RAB12: variants seen among roughly 807,000 people sequenced by gnomAD.
RAB12 encodes ras-related protein Rab-12.
In RAB12, 11 loss-of-function variants were observed where a neutral mutation model predicts 28.4. The ratio of observed to expected loss-of-function variants is 0.39; its 90% CI spans 0.24 to 0.64. The LOEUF (loss-of-function observed/expected upper bound fraction) is 0.64. Among genes scored for constraint, RAB12 ranks in the 30% least tolerant of loss-of-function variants. RAB12 has a pLI of 0.50. For synonymous variants in RAB12, 138 were observed against 145.3 expected, an observed-to-expected ratio of 0.95 and a Z score of 0.36; for missense variants, 276 against 351.1, an observed-to-expected ratio of 0.79 and a Z score of 1.71.
chr18:8,621,029 C>CA (rs763425796), intron 1 of RAB12, among the ~76,000 whole-genome samples: 1 of 152,168 alleles, frequency 6.6e-6, no homozygotes, highest in Non-Finnish European at 1.5e-5. Flanking sequence ...GGACTGTCCC[C>CA]ATCAACAGTG....
intron 4 of RAB12, 159 bp downstream of exon 4, chr18:8,635,781 G>A (rs1357547313): frequency 9.5e-6 from 5 of 524,500 alleles, no homozygotes; most frequent in African/African-American, 3.9e-5. Flanking sequence ...TTTTGACTTC[G>A]TGCTCCTTTA....
chr18:8,633,179 T>A lies in RAB12; in HGVS notation c.576-10T>A. On this transcript the variant is annotated splice_polypyrimidine_tract_variant and intron_variant, in intron 2 of 5. Coordinates refer to ENST00000649141, the MANE Select transcript of RAB12 (RefSeq NM_001025300.3). ...TTATTTGGGAACTGACTTTGGCTGC[T>A]TTTTCTTAGGGACACAGCAGGTCAG... 1 of 1,613,852 alleles carries A rather than the reference T, an allele frequency of 6.2e-7. No homozygotes were observed. Among genetic ancestry groups the A allele is most frequent in the Non-Finnish European group, 8.5e-7 (1 of 1,179,932 alleles).
chr18:8,630,301 C>G (rs2148710550), intron 2 of RAB12, among the ~76,000 whole-genome samples: 1 of 152,266 alleles, frequency 6.6e-6, no homozygotes, highest in East Asian at 1.9e-4. Flanking sequence ...CTGGGGCTTC[C>G]AGGTCATAGG....
rs2096020921 is a variant in RAB12 at position 8,639,156 on chromosome 18, T to G, written c.*894T>G. ...AAGCCTAGACTGTGTTCTTTTTTTT[T>G]TTTTTTTTTTTTTTTTTTTTTTTTT... On this transcript the variant is annotated 3_prime_UTR_variant, in exon 6 of 6. Coordinates refer to ENST00000649141, the MANE Select transcript of RAB12 (RefSeq NM_001025300.3). The G allele has an allele frequency of 3.1e-5, 3 of 98,338 alleles. No homozygotes were observed. Among genetic ancestry groups the G allele is most frequent in the Admixed American group, 1.1e-4 (1 of 9,162 alleles). 6.1% of individuals were successfully genotyped at this position (98,338 alleles called of 1,614,324 possible).
At chr18:8,633,925 C>A (rs2096017382) in intron 3 of RAB12, among the ~76,000 whole-genome samples, 1 of 152,130 alleles carries the variant, frequency 6.6e-6, no homozygotes, top group Non-Finnish European at 1.5e-5. Context: ...GAAGGCAGAG[C>A]AGTTGGGAGT....
chr18:8,624,270 C>G (rs1206612824), intron 1 of RAB12, among the ~76,000 whole-genome samples: 1 of 152,164 alleles, frequency 6.6e-6, no homozygotes. Context: ...GTAGCATACA[C>G]AAATGAAAAC....
chr18:8,635,607 G>A lies in RAB12; in HGVS notation c.789G>A (p.Arg263=). The change falls in exon 4 of 6, where the codon AGG becomes AGA. Residue 263 remains arginine, a synonymous_variant. Transcript: ENST00000649141. The stretch of plus-strand genomic sequence containing the variant: ...GTGAAACGGACAGAGAAATCACCAG[G>A]CAGCAGGGGGAAAAGGTGAGAGGGC... The part of the protein sequence containing the change: ...LDCETDREIT[R]QQGEKFAQQI... 2 of 1,612,354 alleles carry A rather than the reference G, an allele frequency of 1.2e-6. No homozygotes were observed. The highest frequency in any genetic ancestry group is 2.2e-5 in the South Asian group (2 of 90,632).
intron 1 of RAB12, among the ~76,000 whole-genome samples, chr18:8,615,181 C>G (rs1181701771): frequency 1.3e-5 from 2 of 152,036 alleles, no homozygotes; most frequent in Non-Finnish European, 1.5e-5. Context: ...TGGAGGGGTC[C>G]GAGAAACGGG....
At chr18:8,630,721 T>A (rs899713039) in intron 2 of RAB12, among the ~76,000 whole-genome samples, 2 of 152,222 alleles carry the variant, frequency 1.3e-5, no homozygotes, top group African/African-American at 4.8e-5. Context: ...GTGGCCAGTG[T>A]CAGCCTGGAG....
At chr18:8,638,071 A>G in intron 5 of RAB12, 78 bp from the exon 6 acceptor site, 1 of 880,218 alleles carries the variant, frequency 1.1e-6, no homozygotes, top group South Asian at 1.4e-5. Flanking sequence ...TGTGCAGTTG[A>G]AACTCATGTT....
intron 1 of RAB12, among the ~76,000 whole-genome samples, chr18:8,622,094 A>G (rs985994323): frequency 1.3e-5 from 2 of 152,226 alleles, no homozygotes; most frequent in African/African-American, 4.8e-5. Context: ...CATTGTTAGC[A>G]GAGAAAACTG....
chr18:8,621,246 A>G (rs2096009727), intron 1 of RAB12, among the ~76,000 whole-genome samples: 1 of 152,196 alleles, frequency 6.6e-6, no homozygotes, highest in South Asian at 2.1e-4. Context: ...CCTTTTATTG[A>G]GGATCATTAT....
At chr18:8,616,860 T>C (rs1237468815) in intron 1 of RAB12, among the ~76,000 whole-genome samples, 1 of 151,960 alleles carries the variant, frequency 6.6e-6, no homozygotes, top group Non-Finnish European at 1.5e-5. Context: ...GCCAGGGAGA[T>C]CTAGGCTGCA....
intron 1 of RAB12, among the ~76,000 whole-genome samples, chr18:8,611,979 A>G (rs1320614855): frequency 6.6e-6 from 1 of 152,226 alleles, no homozygotes; most frequent in Non-Finnish European, 1.5e-5. Context: ...CAGAGCGGGA[A>G]GACACTGTGA....
chr18:8,638,448 T>G lies in RAB12; in HGVS notation c.*186T>G, dbSNP rs1177111490. 1.8e-6 allele frequency: 1 copy of G among 561,660 alleles called. No homozygotes were observed. The highest frequency in any genetic ancestry group is 1.9e-5 in the African/African-American group (1 of 52,890). The allele number at this position is 561,660 out of a possible 1,614,324, so 34.8% of individuals were successfully genotyped here. On this transcript the variant is annotated 3_prime_UTR_variant, in exon 6 of 6. Transcript: ENST00000649141. ...TTTGGTTATAAGTTACCTATTTCCC[T>G]CCAAATTATTATATTTCATTCATTA...
In RAB12 at chr18:8,636,235, G is replaced by T; in HGVS notation, c.805-18G>T. 6.5e-7 allele frequency: 1 copy of T among 1,545,512 alleles called. No homozygotes were observed. Among genetic ancestry groups the T allele is most frequent in the Admixed American group, 1.7e-5 (1 of 59,934 alleles). ...GTGAGGCCCCACACAGAGGAAATAGGTGTGTGTTTCTTCTCAGTTTGCACA... is the reference window on the plus strand; with the variant it reads ...GTGAGGCCCCACACAGAGGAAATAGTTGTGTGTTTCTTCTCAGTTTGCACA... On this transcript the variant is annotated intron_variant, in intron 4 of 5. Transcript: ENST00000649141.
intron 1 of RAB12, among the ~76,000 whole-genome samples, chr18:8,616,270 C>T (rs939498868): frequency 5.3e-5 from 8 of 150,788 alleles, no homozygotes; most frequent in African/African-American, 2.0e-4. Flanking sequence ...CTGAGGAAGA[C>T]ATTTATCATC....
intron 1 of RAB12, among the ~76,000 whole-genome samples, chr18:8,621,909 A>G (rs1264989373): frequency 6.6e-6 from 1 of 152,226 alleles, no homozygotes; most frequent in African/African-American, 2.4e-5. Flanking sequence ...TAATGTGTTT[A>G]TAATTACATA....
At chr18:8,633,382 A>G (rs2096017054) in intron 3 of RAB12, 55 bp downstream of exon 3, 2 of 1,588,390 alleles carry the variant, frequency 1.3e-6, no homozygotes, top group East Asian at 2.2e-5. Context: ...AGTCTTAATC[A>G]TTATTAAAAG....
Sources: gnomAD v4.1 joint callset for allele counts (sites outside exome capture counted in the v4.1 genomes callset) on GRCh38, gnomAD v4.1.1 for gene constraint, MANE v1.5 for transcripts, NCBI Gene and HGNC (gene_info 2026-07-23, HGNC 2026-07-21) for gene names.